The following UBOX5 variants were observed in gnomAD, a reference collection of about 807,000 sequenced individuals.
The protein encoded by UBOX5 is RING finger protein 37.
A neutral mutation model predicts 39.0 loss-of-function variants in UBOX5; 28 were observed. That is an observed-to-expected ratio of 0.72 (90% CI 0.53 to 0.98). UBOX5 has a LOEUF of 0.98. Ranked by LOEUF, UBOX5 falls within the 50% of genes least tolerant of loss-of-function variation. The pLI is 0.00. For missense variants in UBOX5, 585 were observed against 674.4 expected (o/e 0.87, Z 1.47); for synonymous variants, 283 against 275.5 (o/e 1.03, Z -0.27).
At chr20:3,152,469 T>G (rs2066640218) in intron 1 of UBOX5, among the ~76,000 whole-genome samples, 1 of 151,956 alleles carries the variant, frequency 6.6e-6, no homozygotes, top group African/African-American at 2.4e-5. Context: ...GCCACTGCAC[T>G]GCAGCCCGGG....
intron 1 of UBOX5, among the ~76,000 whole-genome samples, chr20:3,131,881 A>G (rs1250587307): frequency 2.6e-5 from 4 of 151,690 alleles, no homozygotes; most frequent in Non-Finnish European, 4.4e-5. Context: ...GGTGGCGGGC[A>G]CCTGTAATCC....
chr20:3,115,636 G>GTTA (rs1224791793), intron 3 of UBOX5, among the ~76,000 whole-genome samples, 170 bp from the exon 4 acceptor site: 1 of 152,038 alleles, frequency 6.6e-6, no homozygotes, highest in Non-Finnish European at 1.5e-5. Context: ...GGGAGGTAAA[G>GTTA]CCCTAGGAAC....
Position 3,121,919 on chromosome 20 carries a change from A to C in UBOX5, c.720T>G (p.Pro240=). 6.2e-7 allele frequency: 1 copy of C among 1,613,870 alleles called. No homozygotes were observed. Among genetic ancestry groups the C allele is most frequent in the African/African-American group, 1.3e-5 (1 of 75,066 alleles). The stretch of plus-strand genomic sequence containing the variant: ...GGCTGGAGGGAGCCTGCTGGCTCTC[A>C]GGCTGGTCCCCAGGGTCACAGTCAC... ...MESDCDPGDQ[P]ESQQAPSSLQ... is the part of the protein sequence containing the mutation. The change falls in exon 3 of 5, where the codon CCT becomes CCG. Residue 240 remains proline (P), a synonymous_variant. Coordinates refer to ENST00000217173, the MANE Select transcript of UBOX5 (RefSeq NM_014948.4).
chr20:3,136,417 A>C (rs1339813686), intron 1 of UBOX5, among the ~76,000 whole-genome samples: 1 of 150,420 alleles, frequency 6.6e-6, no homozygotes, highest in Non-Finnish European at 1.5e-5. Flanking sequence ...GCAGTGGCAC[A>C]ATCTCGGCTT....
intron 4 of UBOX5, 178 bp from the exon 5 acceptor site, chr20:3,110,492 G>T: frequency 1.5e-6 from 1 of 671,020 alleles, no homozygotes; most frequent in Non-Finnish European, 2.6e-6. Flanking sequence ...CTGGGAACCC[G>T]GGAGGCCTCT....
intron 1 of UBOX5, among the ~76,000 whole-genome samples, chr20:3,140,958 A>C (rs1386091588): frequency 4.6e-5 from 6 of 130,572 alleles, no homozygotes; most frequent in African/African-American, 1.5e-4. Flanking sequence ...TCACTCTGTC[A>C]CCCAGGCTTG....
At position 3,122,110 on chromosome 20, in the gene UBOX5, T is replaced by C; in HGVS notation, c.529A>G (p.Ile177Val). The C allele has an allele frequency of 1.9e-6, 3 of 1,614,246 alleles. No homozygotes were observed. Among genetic ancestry groups the C allele is most frequent in the Non-Finnish European group, 2.5e-6 (3 of 1,180,052 alleles). The change falls in exon 3 of 5, where the codon ATC becomes GTC. Residue 177 changes from isoleucine to valine, a missense_variant. Physicochemically the swap from Ile to Val is conservative, Grantham distance 29. Coordinates refer to ENST00000217173, the MANE Select transcript of UBOX5 (RefSeq NM_014948.4). ...ATACCGCCGCCTGTCACATGGGTGA[T>C]ACAGATCCTTAAGTGGGCCACGTGG... Reference protein sequence around the residue: ...LSHVAHLRICITHVTGGGIPC... With the variant: ...LSHVAHLRICVTHVTGGGIPC...
intron 4 of UBOX5, among the ~76,000 whole-genome samples, chr20:3,114,773 C>A (rs2066280496): frequency 6.6e-6 from 1 of 152,028 alleles, no homozygotes; most frequent in Non-Finnish European, 1.5e-5. Flanking sequence ...ATGGTGAAAC[C>A]CCGTCTCTAC....
intron 4 of UBOX5, among the ~76,000 whole-genome samples, chr20:3,110,931 G>A (rs1417629653): frequency 6.6e-6 from 1 of 152,024 alleles, no homozygotes; most frequent in Non-Finnish European, 1.5e-5. Context: ...ACAAGGCTGA[G>A]GCCTGCAGTG....
chr20:3,148,359 C>T, intron 1 of UBOX5: 1 of 1,614,168 alleles, frequency 6.2e-7, no homozygotes, highest in South Asian at 1.1e-5. Flanking sequence ...ATATTCATCT[C>T]CCATACCTGA....
intron 1 of UBOX5, among the ~76,000 whole-genome samples, chr20:3,132,902 G>T (rs1161762864): frequency 6.6e-6 from 1 of 151,454 alleles, no homozygotes; most frequent in East Asian, 1.9e-4. Flanking sequence ...CAGGGGGATT[G>T]CTTGAGGTCA....
intron 1 of UBOX5, among the ~76,000 whole-genome samples, chr20:3,142,517 T>A (rs1600400458): frequency 6.7e-6 from 1 of 149,988 alleles, no homozygotes; most frequent in African/African-American, 2.5e-5. Flanking sequence ...GGCAGGAGAA[T>A]CTCTTGAACC....
At position 3,121,772 on chromosome 20, in the gene UBOX5, C is replaced by T. The variant is rs747006307; in HGVS notation, c.867G>A (p.Leu289=). The change falls in exon 3 of 5, where the codon CTG becomes CTA. Residue 289 remains leucine, a synonymous_variant. Transcript: ENST00000217173. The part of the protein sequence containing the change: ...PSGKVIDQST[L]EKCNRSEATW... ...TGGCTTCACTGCGGTTACACTTCTC[C>T]AGTGTGCTCTGGTCGATGACCTTGC... The T allele has an allele frequency of 6.2e-7, 1 of 1,614,160 alleles. No homozygotes were observed. Among genetic ancestry groups the T allele is most frequent in the Non-Finnish European group, 8.5e-7 (1 of 1,180,044 alleles).
chr20:3,114,355 A>C (rs1350477584), intron 4 of UBOX5, among the ~76,000 whole-genome samples: 2 of 152,192 alleles, frequency 1.3e-5, no homozygotes, highest in Non-Finnish European at 2.9e-5. Flanking sequence ...AGGAGAAAAG[A>C]AGCAAAACAG....
chr20:3,130,857 C>T (rs2066424077), intron 1 of UBOX5, among the ~76,000 whole-genome samples: 1 of 151,248 alleles, frequency 6.6e-6, no homozygotes, highest in Non-Finnish European at 1.5e-5. Context: ...ATTTCTGTCT[C>T]TCATTTACTG....
At chr20:3,113,517 T>A (rs922342065) in intron 4 of UBOX5, among the ~76,000 whole-genome samples, 40 of 151,878 alleles carry the variant, frequency 2.6e-4, no homozygotes, top group Non-Finnish European at 7.4e-5. Flanking sequence ...TGAGCCACAG[T>A]AAGGCGAGGA....
chr20:3,112,165 G>C (rs1344148347), intron 4 of UBOX5, among the ~76,000 whole-genome samples: 8 of 142,170 alleles, frequency 5.6e-5, no homozygotes, highest in African/African-American at 2.1e-4. Flanking sequence ...AGGGAGGGGG[G>C]AAAGAAGGGA....
chr20:3,118,354 T>C (rs1372187915), intron 3 of UBOX5, among the ~76,000 whole-genome samples: 1 of 151,882 alleles, frequency 6.6e-6, no homozygotes, highest in Non-Finnish European at 1.5e-5. Context: ...GCACCTGTAA[T>C]CCCAACTACT....
intron 1 of UBOX5, chr20:3,151,674 T>C (rs1036988971): frequency 6.6e-6 from 1 of 151,582 alleles, no homozygotes; most frequent in African/African-American, 2.4e-5. Context: ...TTAATTAAAA[T>C]TGGAAAAACT....
Sources: allele counts gnomAD v4.1 joint callset (sites outside exome capture counted in the v4.1 genomes callset), GRCh38; gene constraint gnomAD v4.1.1; transcripts MANE v1.5; gene names NCBI Gene and HGNC (gene_info 2026-07-23, HGNC 2026-07-21).